The following CCDC7 variants were observed in gnomAD, a reference collection of about 807,000 sequenced individuals.
CCDC7 encodes the protein coiled-coil domain-containing protein 7.
CCDC7 carries 183 observed loss-of-function variants against 196.9 expected under a neutral mutation model. That is an observed-to-expected ratio of 0.93 (90% CI 0.82 to 1.05). CCDC7 has a LOEUF of 1.05. Ranked by LOEUF, CCDC7 falls within the 50% of genes least tolerant of loss-of-function variation. The pLI is 0.00. For synonymous variants in CCDC7, 525 were observed against 484.6 expected (o/e 1.08, Z -1.10); for missense variants, 1,540 against 1,482.2 (o/e 1.04, Z -0.64).
chr10:32,881,738 C>G (rs1050421312), downstream of CCDC7, among the ~76,000 whole-genome samples: 3 of 152,108 alleles, frequency 2.0e-5, no homozygotes, highest in African/African-American at 4.8e-5. Flanking sequence ...ACCCGCCCCC[C>G]ACACCCCACA....
At chr10:32,485,807 TTGAG>T (rs1467644240) in intron 8 of CCDC7, among the ~76,000 whole-genome samples, 3 of 152,210 alleles carry the variant, frequency 2.0e-5, no homozygotes, top group Non-Finnish European at 4.4e-5. Flanking sequence ...TTGAGCAGTT[TTGAG>T]TGAGTTTCTT....
At position 32,640,868 on chromosome 10, in the gene CCDC7, T is replaced by C. The variant is rs1396888563; in HGVS notation, c.2014+5710T>C. Among the ~76,000 whole-genome samples, 14 of 67,112 alleles carry C rather than the reference T, an allele frequency of 2.1e-4. No individual in the cohort carries two copies. The South Asian group carries it at 2.2e-3, about 11-fold the overall frequency. 44.0% of individuals were successfully genotyped at this position (67,112 alleles called of 152,430 possible). A position where few individuals can be genotyped will look rare whatever the true frequency, so the allele number is the denominator to read the frequency against. On this transcript the variant is annotated intron_variant, in intron 20 of 41. Coordinates refer to ENST00000639629, the Ensembl canonical transcript of CCDC7. ...CTCTTCTGGCTTGTAGATTTTCTTT[T>C]TTTTTTTCTTTTTTTTTTTATTATA... is the stretch of plus-strand genomic sequence containing the variant.
intron 21 of CCDC7, among the ~76,000 whole-genome samples, chr10:32,685,560 A>C (rs2076372636): frequency 6.6e-6 from 1 of 152,158 alleles, no homozygotes; most frequent in South Asian, 2.1e-4. Context: ...CTAGAACTTT[A>C]TGGTATATAC....
chr10:32,534,097 TTTC>T (rs1480753907), intron 11 of CCDC7, among the ~76,000 whole-genome samples: 2 of 152,128 alleles, frequency 1.3e-5, no homozygotes, highest in African/African-American at 2.4e-5. Flanking sequence ...CTTTTCATTC[TTTC>T]TTCTTTTTTC....
At chr10:32,547,458 A>G (rs1348782953) in intron 13 of CCDC7, among the ~76,000 whole-genome samples, 1 of 152,118 alleles carries the variant, frequency 6.6e-6, no homozygotes, top group Non-Finnish European at 1.5e-5. Context: ...TCACTTTGCC[A>G]TATTCTATTG....
chr10:32,468,285 T>G (rs1004375127), intron 5 of CCDC7, among the ~76,000 whole-genome samples: 1 of 152,148 alleles, frequency 6.6e-6, no homozygotes, highest in Non-Finnish European at 1.5e-5. Flanking sequence ...GTAGTTCCCC[T>G]TGTAGAGATT....
At chr10:32,484,440 A>G (rs2040593298) in intron 8 of CCDC7, among the ~76,000 whole-genome samples, 1 of 152,222 alleles carries the variant, frequency 6.6e-6, no homozygotes, top group East Asian at 1.9e-4. Flanking sequence ...TGTCATCTGC[A>G]AACAGGGACA....
chr10:32,467,681 T>C (rs951981337), intron 5 of CCDC7, among the ~76,000 whole-genome samples: 8 of 152,224 alleles, frequency 5.3e-5, no homozygotes, highest in African/African-American at 1.9e-4. Context: ...CAGAATGGTA[T>C]TGCCTAGGTT....
chr10:32,574,836 A>G (rs938982824), intron 16 of CCDC7, among the ~76,000 whole-genome samples: 3 of 152,196 alleles, frequency 2.0e-5, no homozygotes, highest in Non-Finnish European at 2.9e-5. Context: ...ACGAAAACAT[A>G]CAAGAGAAGA....
chr10:32,517,998 G>A (rs764645231), intron 10 of CCDC7, 23 bp downstream of exon 11: 12 of 1,551,754 alleles, frequency 7.7e-6, no homozygotes, highest in Non-Finnish European at 9.5e-6. Flanking sequence ...CTCTCAATTT[G>A]AAATTACACT....
chr10:32,780,472 A>G (rs2080869416), intron 29 of CCDC7, among the ~76,000 whole-genome samples: 1 of 152,206 alleles, frequency 6.6e-6, no homozygotes, highest in African/African-American at 2.4e-5. Flanking sequence ...TAAAGACATG[A>G]TTTGTGATGT....
intron 31 of CCDC7, among the ~76,000 whole-genome samples, chr10:32,822,914 T>C (rs2090491961): frequency 6.6e-6 from 1 of 152,188 alleles, no homozygotes; most frequent in Non-Finnish European, 1.5e-5. Context: ...CACATAACTT[T>C]GTATTCGTAG....
At chr10:32,731,382 A>G (rs2083941260) in intron 28 of CCDC7, among the ~76,000 whole-genome samples, 2 of 151,984 alleles carry the variant, frequency 1.3e-5, no homozygotes, top group South Asian at 2.1e-4. Flanking sequence ...TATGTAATCC[A>G]TTTACAATTA....
chr10:32,567,391 T>C (rs549748173), intron 14 of CCDC7, among the ~76,000 whole-genome samples: 3 of 152,170 alleles, frequency 2.0e-5, no homozygotes, highest in African/African-American at 7.2e-5. Flanking sequence ...TTTATTTTGC[T>C]TGTATAATAA....
chr10:32,695,203 G>T (rs532314858), intron 24 of CCDC7, among the ~76,000 whole-genome samples: 1 of 152,262 alleles, frequency 6.6e-6, no homozygotes, highest in African/African-American at 2.4e-5. Flanking sequence ...ATGCTCATGT[G>T]CTCGGTGTCC....
intron 20 of CCDC7, among the ~76,000 whole-genome samples, chr10:32,644,524 G>A (rs1031960601): frequency 6.6e-6 from 1 of 152,124 alleles, no homozygotes; most frequent in South Asian, 2.1e-4. Flanking sequence ...AAATGACAGG[G>A]CACCATTTCT....
chr10:32,763,487 AC>A (rs2077774109), intron 28 of CCDC7, among the ~76,000 whole-genome samples: 1 of 151,942 alleles, frequency 6.6e-6, no homozygotes, highest in African/African-American at 2.4e-5. Flanking sequence ...CTGGGTACAT[AC>A]GCAAAGGAAA....
At chr10:32,533,047 AC>A (rs1472433572) in intron 11 of CCDC7, among the ~76,000 whole-genome samples, 9 of 151,012 alleles carry the variant, frequency 6.0e-5, no homozygotes, top group African/African-American at 2.2e-4. Flanking sequence ...TTTATTTCTT[AC>A]TGTTTTCCTT....
chr10:32,851,781 C>G, intron 39 of CCDC7, 26 bp from the exon 41 acceptor site: 1 of 1,599,064 alleles, frequency 6.3e-7, no homozygotes. Flanking sequence ...TATTGTATGG[C>G]TAACATATTT....
Sources: allele counts gnomAD v4.1 joint callset (sites outside exome capture counted in the v4.1 genomes callset), GRCh38; gene constraint gnomAD v4.1.1; transcripts MANE v1.5; gene names NCBI Gene and HGNC (gene_info 2026-07-23, HGNC 2026-07-21).